Variants in PHYKPL observed in about 807,000 individuals in gnomAD.
PHYKPL encodes the protein 5-phosphonooxy-L-lysine phospho-lyase.
In PHYKPL, 42 loss-of-function variants were observed where a neutral mutation model predicts 51.3. That is an observed-to-expected ratio of 0.82 (90% CI 0.64 to 1.06). PHYKPL has a LOEUF of 1.06. PHYKPL is among the 50% of genes least tolerant of loss of function. The pLI, the probability that PHYKPL is intolerant of heterozygous loss-of-function variation, is 0.00. For missense variants in PHYKPL, 655 were observed against 586.6 expected (o/e 1.12, Z -1.20); for synonymous variants, 264 against 236.0 (o/e 1.12, Z -1.09).
Position 178,230,067 on chromosome 5 carries a change from C to T in PHYKPL, c.211G>A (p.Ala71Thr). ...GHCHPLVVQA[A>T]HEQNQVLNTN... ...TTGAGCACCTGGTTCTGCTCATGTGCTGCTTGGACCACGAGAGGGTGGCAG... is the reference window on the plus strand; with the variant it reads ...TTGAGCACCTGGTTCTGCTCATGTGTTGCTTGGACCACGAGAGGGTGGCAG... Residue 71 changes from alanine to threonine, a missense_variant, in exon 3 of 13, where the codon GCA (alanine) becomes ACA (threonine). Coordinates refer to ENST00000308158, the MANE Select transcript of PHYKPL (RefSeq NM_153373.4). 1 of 1,614,158 alleles carries T rather than the reference C, an allele frequency of 6.2e-7. No individual in the cohort carries two copies. Among genetic ancestry groups the T allele is most frequent in the Non-Finnish European group, 8.5e-7 (1 of 1,180,038 alleles).
At chr5:178,217,745 C>T (rs1278478008) in intron 8 of PHYKPL, among the ~76,000 whole-genome samples, 1 of 150,906 alleles carries the variant, frequency 6.6e-6, no homozygotes, top group African/African-American at 2.4e-5. Flanking sequence ...GTAATCACAG[C>T]TACTCGGGAG....
At chr5:178,222,654 G>T in intron 7 of PHYKPL, 74 bp from the exon 8 acceptor site, 1 of 1,512,638 alleles carries the variant, frequency 6.6e-7, no homozygotes, top group African/African-American at 1.4e-5. Flanking sequence ...AGGTCTCGGG[G>T]CTTTGCACCC....
At chr5:178,224,386 G>A (rs962986246) in intron 6 of PHYKPL, 62 bp downstream of exon 6, 1 of 1,453,420 alleles carries the variant, frequency 6.9e-7, no homozygotes, top group African/African-American at 1.4e-5. Flanking sequence ...CTAGCACAGT[G>A]GCGGTGACAA....
At position 178,230,105 on chromosome 5, in the gene PHYKPL, A is replaced by C; in HGVS notation, c.179-6T>G. ...GAGAGGGTGGCAGTGCCCAACTGGA[A>C]GAGGGCCGCCTCCGTCACACGGCTG... On this transcript the variant is annotated splice_polypyrimidine_tract_variant and splice_region_variant and intron_variant, in intron 2 of 12. Coordinates refer to ENST00000308158, the MANE Select transcript of PHYKPL (RefSeq NM_153373.4). The C allele has an allele frequency of 6.2e-7, 1 of 1,613,544 alleles. No homozygotes were observed. Among genetic ancestry groups the C allele is most frequent in the South Asian group, 1.1e-5 (1 of 91,088 alleles).
At chr5:178,220,772 A>G (rs1761024055) in intron 8 of PHYKPL, among the ~76,000 whole-genome samples, 4 of 152,114 alleles carry the variant, frequency 2.6e-5, no homozygotes, top group South Asian at 4.1e-4. Flanking sequence ...AAGCACAGCA[A>G]TAGTAATGGA....
intron 1 of PHYKPL, chr5:178,232,061 A>G: frequency 8.5e-7 from 1 of 1,173,494 alleles, no homozygotes; most frequent in South Asian, 1.7e-5. Context: ...GACTCCCCCG[A>G]CTCTCCCTTG....
At chr5:178,224,206 C>T in intron 6 of PHYKPL, 2 of 483,002 alleles carry the variant, frequency 4.1e-6, no homozygotes, top group Non-Finnish European at 3.6e-6. Context: ...TCAGAGAGCA[C>T]CCCCTCCAAG....
Position 178,232,691 on chromosome 5 carries a change from G to T in PHYKPL, c.-141C>A. The stretch of plus-strand genomic sequence containing the variant: ...GGTTCGCACTCGGCCCCGCCCCGAA[G>T]CGCCCGCGTTGCGGTGGTTCATTTC... On this transcript the variant is annotated 5_prime_UTR_variant, in exon 1 of 13. Transcript: ENST00000308158. The T allele has an allele frequency of 1.1e-6, 1 of 951,316 alleles. No homozygotes were observed. Among genetic ancestry groups the T allele is most frequent in the Non-Finnish European group, 1.4e-6 (1 of 736,700 alleles). The allele number at this position is 951,316 out of a possible 1,614,324, so 58.9% of individuals were successfully genotyped here. A position where few individuals can be genotyped will look rare whatever the true frequency, so the allele number is the denominator to read the frequency against.
At chr5:178,213,148 T>C (rs1383650084) in intron 10 of PHYKPL, 45 bp from the exon 11 acceptor site, 5 of 1,606,402 alleles carry the variant, frequency 3.1e-6, no homozygotes, top group Admixed American at 1.7e-5. Context: ...AAGGCCTTCC[T>C]CAGCCTGGCC....
chr5:178,223,567 C>A, intron 6 of PHYKPL: 2 of 443,626 alleles, frequency 4.5e-6, no homozygotes, highest in East Asian at 7.1e-5. Flanking sequence ...GTCCCCCACA[C>A]CTGTTGCAAT....
Position 178,231,490 on chromosome 5 carries a change from A to AG in PHYKPL, c.92dup (p.Val32CysfsTer2). 6.2e-7 allele frequency: 1 copy of AG among 1,614,188 alleles called. No individual in the cohort carries two copies. Among genetic ancestry groups the AG allele is most frequent in the African/African-American group, 1.3e-5 (1 of 75,056 alleles). ...GCCCTTGGGCCCGGACAATCTTAACAGGATCCTCGGGAAAAAAGAGTCTGC... is the reference window on the plus strand; with the variant it reads ...GCCCTTGGGCCCGGACAATCTTAACAGGGATCCTCGGGAAAAAAGAGTCTGC... On this transcript the variant is annotated frameshift_variant, in exon 2 of 13. Transcript: ENST00000308158. LOFTEE classifies it high-confidence loss of function.
At chr5:178,231,238 C>G (rs1447395154) in intron 2 of PHYKPL, among the ~76,000 whole-genome samples, 167 bp downstream of exon 2, 1 of 152,202 alleles carries the variant, frequency 6.6e-6, no homozygotes, top group African/African-American at 2.4e-5. Context: ...CTCCAGATTG[C>G]AGAATTCCAC....
At position 178,215,276 on chromosome 5, in the gene PHYKPL, C is replaced by T. The variant is rs1759533198; in HGVS notation, c.1082G>A (p.Arg361Lys). The change falls in exon 9 of 13, where the codon AGG becomes AAG. Residue 361 changes from arginine (R) to lysine (K), a missense_variant and splice_region_variant. Transcript: ENST00000308158. Reference protein sequence around the residue: ...KIKHPIVGDVRGVGLFIGVDL... With the variant: ...KIKHPIVGDVKGVGLFIGVDL... ...GTGACTGCTGCCCCCAGAGCCTCAC[C>T]TGACATCCCCGACGATGGGATGTTT... The T allele has an allele frequency of 6.2e-7, 1 of 1,613,898 alleles. No homozygotes were observed. The highest frequency in any genetic ancestry group is 1.3e-5 in the African/African-American group (1 of 74,920).
chr5:178,211,799 TAAAA>T (rs1216182056), intron 12 of PHYKPL, 87 bp downstream of exon 12: 62 of 887,266 alleles, frequency 7.0e-5, no homozygotes, highest in Non-Finnish European at 1.0e-4. Flanking sequence ...AAAAAAGTCT[TAAAA>T]AAAGGCTCAG....
At chr5:178,222,991 G>T in intron 6 of PHYKPL, 57 bp from the exon 7 acceptor site, 1 of 1,551,188 alleles carries the variant, frequency 6.4e-7, no homozygotes. Flanking sequence ...GACCGGCTTA[G>T]CGTGCCCTGC....
At chr5:178,231,626 G>A (rs752990151) in intron 1 of PHYKPL, 103 bp from the exon 2 acceptor site, 2 of 1,522,968 alleles carry the variant, frequency 1.3e-6, no homozygotes, top group Non-Finnish European at 1.8e-6. Context: ...TCTGGTGGCG[G>A]GGGGGAAATG....
At chr5:178,232,461 G>GCCCCCCC in intron 1 of PHYKPL, 31 bp downstream of exon 1, 1 of 1,355,994 alleles carries the variant, frequency 7.4e-7, no homozygotes, top group South Asian at 1.7e-5. Context: ...GCAGCCCCGC[G>GCCCCCCC]CCCCCCGCCG....
intron 9 of PHYKPL, 67 bp downstream of exon 9, chr5:178,215,209 G>T: frequency 6.2e-7 from 1 of 1,605,244 alleles, no homozygotes. Context: ...GTTGTTAGGA[G>T]GTGAAGAAAA....
intron 8 of PHYKPL, among the ~76,000 whole-genome samples, chr5:178,218,947 C>T (rs1176751712): frequency 6.6e-6 from 1 of 152,074 alleles, no homozygotes; most frequent in Non-Finnish European, 1.5e-5. Context: ...GAAAACAGAG[C>T]AAGACTCCGT....
Sources: gnomAD v4.1 joint callset for allele counts (sites outside exome capture counted in the v4.1 genomes callset) on GRCh38, gnomAD v4.1.1 for gene constraint, MANE v1.5 for transcripts, NCBI Gene and HGNC (gene_info 2026-07-23, HGNC 2026-07-21) for gene names.